Variants in TMEM132D observed in about 807,000 individuals in gnomAD.
TMEM132D encodes the protein transmembrane protein 132D.
In TMEM132D, 21 loss-of-function variants were observed where a neutral mutation model predicts 62.3. The observed-to-expected ratio is 0.34, with a 90% CI of 0.24 to 0.49. TMEM132D has a LOEUF of 0.49. Among genes scored for constraint, TMEM132D ranks in the 20% least tolerant of loss-of-function variants. TMEM132D has a pLI of 0.99. For synonymous variants in TMEM132D, 621 were observed against 575.6 expected, an observed-to-expected ratio of 1.08 and a Z score of -1.13; for missense variants, 1,346 against 1,402.8, an observed-to-expected ratio of 0.96 and a Z score of 0.65.
chr12:129,711,729 A>C (rs1223812562), intron 1 of TMEM132D, among the ~76,000 whole-genome samples: 1 of 112,316 alleles, frequency 8.9e-6, no homozygotes, highest in East Asian at 2.5e-4. Flanking sequence ...TTCCATCTCC[A>C]AAAAAAAAAA....
intron 7 of TMEM132D, among the ~76,000 whole-genome samples, chr12:129,079,019 A>G (rs985471280): frequency 6.6e-6 from 1 of 152,256 alleles, no homozygotes; most frequent in African/African-American, 2.4e-5. Context: ...CATCCTGGAC[A>G]GGAGGAACTG....
chr12:129,276,076 A>T (rs1164506295), intron 4 of TMEM132D, among the ~76,000 whole-genome samples: 1 of 152,186 alleles, frequency 6.6e-6, no homozygotes, highest in Non-Finnish European at 1.5e-5. Flanking sequence ...AGACAGAAGC[A>T]GGTCTTCCAA....
intron 1 of TMEM132D, among the ~76,000 whole-genome samples, chr12:129,825,144 G>A (rs887865112): frequency 1.3e-5 from 2 of 151,292 alleles, no homozygotes; most frequent in African/African-American, 4.9e-5. Context: ...CTCCCAAGTA[G>A]CTGGGATTAC....
At chr12:129,171,392 G>T (rs988440753) in intron 5 of TMEM132D, among the ~76,000 whole-genome samples, 1 of 152,114 alleles carries the variant, frequency 6.6e-6, no homozygotes, top group Admixed American at 6.5e-5. Context: ...ATCTAGTGGG[G>T]CTGGAAACAA....
chr12:129,265,056 C>T lies in TMEM132D; in HGVS notation c.1300-55393G>A, dbSNP rs147262965. 1.5e-4 allele frequency among the ~76,000 whole-genome samples: 23 copies of T among 151,948 alleles called. No homozygotes were observed. The East Asian group carries it at 4.3e-3, about 28-fold the overall frequency. ...CCAAGGACCACCTGTACCCCAATAA[C>T]TTATGGAAAAAAAAATCCTCCAAAA... On this transcript the variant is annotated intron_variant, in intron 4 of 8. Coordinates refer to ENST00000422113, the MANE Select transcript of TMEM132D (RefSeq NM_133448.3).
intron 3 of TMEM132D, among the ~76,000 whole-genome samples, chr12:129,426,073 G>A (rs1258912739): frequency 6.6e-6 from 1 of 152,184 alleles, no homozygotes; most frequent in African/African-American, 2.4e-5. Flanking sequence ...ATCGCTATTT[G>A]TATTAGATGG....
intron 4 of TMEM132D, among the ~76,000 whole-genome samples, chr12:129,245,244 G>A (rs1258335075): frequency 5.3e-5 from 8 of 152,078 alleles, no homozygotes; most frequent in Non-Finnish European, 4.4e-5. Flanking sequence ...AACAACTACC[G>A]ATGTTTTCAT....
At chr12:129,794,713 A>G (rs886474711) in intron 1 of TMEM132D, among the ~76,000 whole-genome samples, 2 of 152,246 alleles carry the variant, frequency 1.3e-5, no homozygotes, top group African/African-American at 4.8e-5. Context: ...TGGATCATTT[A>G]TATTTTTACT....
intron 3 of TMEM132D, among the ~76,000 whole-genome samples, chr12:129,462,692 A>G (rs1873719603): frequency 6.6e-6 from 1 of 152,336 alleles, no homozygotes; most frequent in East Asian, 1.9e-4. Context: ...GCTTGCACAA[A>G]CAAGGCTCTG....
At chr12:129,549,672 C>G (rs1194536502) in intron 2 of TMEM132D, among the ~76,000 whole-genome samples, 1 of 152,176 alleles carries the variant, frequency 6.6e-6, no homozygotes, top group African/African-American at 2.4e-5. Context: ...TGAGAATGGA[C>G]AAATACACTT....
chr12:129,507,641 A>C (rs1182503821), intron 3 of TMEM132D, among the ~76,000 whole-genome samples: 1 of 152,182 alleles, frequency 6.6e-6, no homozygotes, highest in Admixed American at 6.6e-5. Context: ...CTCAATCATA[A>C]ACAGGAGCTA....
intron 5 of TMEM132D, among the ~76,000 whole-genome samples, chr12:129,087,864 TCCATGACCGGGTGTCCTC>T: frequency 6.7e-6 from 1 of 148,580 alleles, no homozygotes; most frequent in Non-Finnish European, 1.5e-5. Flanking sequence ...CGGGGTGTCC[TCCATGACCGGGTGTCCTC>T]CCTGACCGGG....
intron 2 of TMEM132D, among the ~76,000 whole-genome samples, chr12:129,690,163 A>G (rs1038983331): frequency 5.9e-5 from 9 of 152,208 alleles, no homozygotes; most frequent in Non-Finnish European, 1.3e-4. Context: ...GACTCAGATT[A>G]GTTAAAAATG....
intron 1 of TMEM132D, among the ~76,000 whole-genome samples, chr12:129,804,379 G>C (rs910772628): frequency 9.4e-6 from 1 of 106,536 alleles, no homozygotes; most frequent in Non-Finnish European, 1.9e-5. Flanking sequence ...TGCAAGGCTG[G>C]TTCAATATAC....
intron 2 of TMEM132D, among the ~76,000 whole-genome samples, chr12:129,586,586 T>C (rs1878036965): frequency 6.6e-6 from 1 of 152,298 alleles, no homozygotes. Context: ...AATGCTCATG[T>C]GGCAAGGAGA....
rs565902304 is a variant in TMEM132D at position 129,371,619 on chromosome 12, G to C, written c.1116-33802C>G. On this transcript the variant is annotated intron_variant, in intron 3 of 8. Transcript: ENST00000422113. This position sits in a 1 kb window ranked among gnomAD's most constrained non-coding sequence, Gnocchi z 4.3. ...GATCATGGCAGATTGTGGTGATGAT[G>C]ATGGTGGTGATGGTGATGGTGGTGG... Among the ~76,000 whole-genome samples, 30 of 152,134 alleles carry C rather than the reference G, an allele frequency of 2.0e-4. No individual in the cohort carries two copies. Among genetic ancestry groups the C allele is most frequent in the Middle Eastern group, 3.4e-3 (1 of 294 alleles).
chr12:129,361,981 C>A (rs1330287253), intron 3 of TMEM132D, among the ~76,000 whole-genome samples: 1 of 152,138 alleles, frequency 6.6e-6, no homozygotes, highest in Non-Finnish European at 1.5e-5. Context: ...ATTGAAGGAG[C>A]ATTCACGATC....
chr12:129,563,328 TTA>T (rs1877287522), intron 2 of TMEM132D, among the ~76,000 whole-genome samples: 1 of 152,208 alleles, frequency 6.6e-6, no homozygotes. Flanking sequence ...GCATACAGCT[TTA>T]GTTTGTTCTT....
At chr12:129,644,993 A>C (rs1394235453) in intron 2 of TMEM132D, among the ~76,000 whole-genome samples, 1 of 151,122 alleles carries the variant, frequency 6.6e-6, no homozygotes, top group Non-Finnish European at 1.5e-5. Flanking sequence ...CTAAAAAAAA[A>C]AAAAAAAAAA....
Sources: allele counts gnomAD v4.1 joint callset (sites outside exome capture counted in the v4.1 genomes callset), GRCh38; gene constraint gnomAD v4.1.1; non-coding constraint Gnocchi (gnomAD v3.1); transcripts MANE v1.5; gene names NCBI Gene and HGNC (gene_info 2026-07-23, HGNC 2026-07-21).